The following KCNH7 variants were observed in gnomAD, a reference collection of about 807,000 sequenced individuals.
The protein encoded by KCNH7 is voltage-gated inwardly rectifying potassium channel KCNH7.
KCNH7 carries 49 observed loss-of-function variants against 120.8 expected under a neutral mutation model. The observed-to-expected ratio is 0.41, with a 90% CI of 0.32 to 0.51. The LOEUF is 0.51. Ranked by LOEUF, KCNH7 falls within the 20% of genes least tolerant of loss-of-function variation. The pLI is 0.38. For synonymous variants in KCNH7, 547 were observed against 516.1 expected (o/e 1.06, Z -0.81); for missense variants, 1,097 against 1,446.6 (o/e 0.76, Z 3.92).
At chr2:162,469,695 C>T (rs1689431449) in intron 6 of KCNH7, among the ~76,000 whole-genome samples, 1 of 151,358 alleles carries the variant, frequency 6.6e-6, no homozygotes, top group Non-Finnish European at 1.5e-5. Flanking sequence ...CTCCCCCTCT[C>T]CCTCTCCCTC....
intron 2 of KCNH7, among the ~76,000 whole-genome samples, chr2:162,701,446 T>G (rs960393045): frequency 8.5e-5 from 13 of 152,166 alleles, no homozygotes; most frequent in African/African-American, 2.9e-4. Context: ...TTATCTCAGT[T>G]CAAATCCATT....
At chr2:162,823,244 A>AG (rs66491024) in intron 2 of KCNH7, among the ~76,000 whole-genome samples, 3,934 of 145,474 alleles carry the variant, frequency 0.027, 164 homozygotes, top group African/African-American at 0.098. Flanking sequence ...AATTGAAAAA[A>AG]AAAGATTTTA....
chr2:162,772,821 A>G (rs1037794172), intron 2 of KCNH7, among the ~76,000 whole-genome samples: 1 of 152,242 alleles, frequency 6.6e-6, no homozygotes, highest in African/African-American at 2.4e-5. Context: ...CAATGTGAAT[A>G]TGATATCATC....
At position 162,836,601 on chromosome 2, in the gene KCNH7, T is replaced by G. The variant is rs1436680900; in HGVS notation, c.243A>C (p.Gln81His). 1 of 1,614,134 alleles carries G rather than the reference T, an allele frequency of 6.2e-7. No homozygotes were observed. Among genetic ancestry groups the G allele is most frequent in the East Asian group, 2.2e-5 (1 of 44,872 alleles). Reference sequence around the variant, plus strand: ...CTGACCCCAGCAATGCCTGGGCAATTTGGGCAATATCATGCCTCTTGGTCT... The same window carrying G: ...CTGACCCCAGCAATGCCTGGGCAATGTGGGCAATATCATGCCTCTTGGTCT... ...GPETKRHDIA[Q>H]IAQALLGSEE... The change falls in exon 2 of 16, where the codon CAA (glutamine) becomes CAC (histidine). Residue 81 changes from glutamine (Q) to histidine (H), a missense_variant. Coordinates refer to ENST00000332142, the MANE Select transcript of KCNH7 (RefSeq NM_033272.4).
chr2:162,562,129 C>T lies in KCNH7; in HGVS notation c.308-25049G>A, dbSNP rs544600100. ...AATGAAGATGACGGGTTGATGGGTG[C>T]AGCAAACCACCATGGCACATGTATA... On this transcript the variant is annotated intron_variant, in intron 2 of 15. Coordinates refer to ENST00000332142, the MANE Select transcript of KCNH7 (RefSeq NM_033272.4). Among the ~76,000 whole-genome samples, 11 of 152,200 alleles carry T rather than the reference C, an allele frequency of 7.2e-5. 1 individual carries two copies. Among genetic ancestry groups the T allele is most frequent in the African/African-American group, 2.6e-4 (11 of 41,552 alleles).
intron 2 of KCNH7, among the ~76,000 whole-genome samples, chr2:162,546,731 A>G (rs1348546987): frequency 6.6e-6 from 1 of 152,172 alleles, no homozygotes; most frequent in Non-Finnish European, 1.5e-5. Flanking sequence ...GCTTAGAATG[A>G]ATAAAATAAA....
intron 3 of KCNH7, among the ~76,000 whole-genome samples, chr2:162,522,089 C>A (rs536475972): frequency 6.6e-6 from 1 of 151,888 alleles, no homozygotes; most frequent in Non-Finnish European, 1.5e-5. Flanking sequence ...ATCGTGACAA[C>A]TGTTTTGCAA....
At chr2:162,823,019 T>C (rs947779225) in intron 2 of KCNH7, among the ~76,000 whole-genome samples, 4 of 152,176 alleles carry the variant, frequency 2.6e-5, no homozygotes, top group Non-Finnish European at 5.9e-5. Flanking sequence ...ACTCCACATA[T>C]GTGTGTAGTG....
rs201668840 is a variant in KCNH7, at chr2:162,480,113, G to A, written c.1128+24330C>T. Among the ~76,000 whole-genome samples the A allele has an allele frequency of 5.9e-5, 9 of 152,154 alleles. 1 individual carries two copies. The East Asian group carries it at 1.7e-3, about 29-fold the overall frequency. On this transcript the variant is annotated intron_variant, in intron 6 of 15. Transcript: ENST00000332142. ...AGCATTAGATTATGCTATAAAAAAT[G>A]GAGTTCAGGTTACTTACTTTAAGAA...
chr2:162,803,425 A>G (rs1684418182), intron 2 of KCNH7, among the ~76,000 whole-genome samples: 1 of 151,752 alleles, frequency 6.6e-6, no homozygotes, highest in East Asian at 1.9e-4. Flanking sequence ...ATAACATTGG[A>G]TTTAACTCTC....
At chr2:162,700,500 G>C (rs1202280048) in intron 2 of KCNH7, among the ~76,000 whole-genome samples, 1 of 152,108 alleles carries the variant, frequency 6.6e-6, no homozygotes, top group Admixed American at 6.6e-5. Context: ...GGAAAGGAAA[G>C]GGGGCTGACT....
At chr2:162,638,504 C>A (rs773904697) in intron 2 of KCNH7, among the ~76,000 whole-genome samples, 4 of 150,972 alleles carry the variant, frequency 2.6e-5, no homozygotes, top group African/African-American at 9.9e-5. Context: ...TACTGATAAA[C>A]AACATGTCAC....
chr2:162,390,102 C>A (rs975936137), intron 12 of KCNH7, among the ~76,000 whole-genome samples: 12 of 151,964 alleles, frequency 7.9e-5, no homozygotes, highest in African/African-American at 2.4e-4. Context: ...AAAAGGTCAT[C>A]CCCTAATTAG....
intron 8 of KCNH7, among the ~76,000 whole-genome samples, chr2:162,425,507 G>T (rs1687829629): frequency 1.3e-5 from 2 of 152,168 alleles, no homozygotes; most frequent in African/African-American, 4.8e-5. Flanking sequence ...AACAATATTT[G>T]CCAGAAATTG....
chr2:162,713,056 C>T (rs768091965), intron 2 of KCNH7, among the ~76,000 whole-genome samples: 2 of 152,110 alleles, frequency 1.3e-5, no homozygotes, highest in East Asian at 1.9e-4. Flanking sequence ...TCCCAAGTAG[C>T]TGAGATTACA....
rs1688567046 is a variant in KCNH7, at chr2:162,446,102, T to G, written c.1470A>C (p.Ile490=). The change falls in exon 7 of 16, where the codon ATA becomes ATC. Residue 490 remains isoleucine, a synonymous_variant. Transcript: ENST00000332142. ...EVVSDPAKIA[I]HYFKGWFLID... is the part of the protein sequence containing the mutation. ...TCAGGAACCAGCCTTTGAAGTAGTG[T>G]ATTGCTATTTTGGCGGGATCACTTA... is the stretch of plus-strand genomic sequence containing the variant. The G allele has an allele frequency of 6.2e-7, 1 of 1,613,920 alleles. No homozygotes were observed. The highest frequency in any genetic ancestry group is 1.1e-5 in the South Asian group (1 of 91,068).
intron 6 of KCNH7, among the ~76,000 whole-genome samples, chr2:162,452,070 G>A (rs1409381970): frequency 6.6e-6 from 1 of 152,010 alleles, no homozygotes; most frequent in Non-Finnish European, 1.5e-5. Context: ...TTTAAAAATA[G>A]TCTTTACCTT....
At chr2:162,807,256 C>CAAAAAAAAAAAAAAAAAAAAA (rs745345993) in intron 2 of KCNH7, among the ~76,000 whole-genome samples, 2 of 15,628 alleles carry the variant, frequency 1.3e-4, no homozygotes, top group Non-Finnish European at 3.4e-4. Context: ...ACTAAAAATA[C>CAAAAAAAAAAAAAAAAAAAAA]AAAAAAAAAA....
intron 2 of KCNH7, among the ~76,000 whole-genome samples, chr2:162,775,261 T>C (rs1410045527): frequency 6.6e-6 from 1 of 152,210 alleles, no homozygotes; most frequent in African/African-American, 2.4e-5. Flanking sequence ...TAGTTTTAAT[T>C]TGAACTATAT....
Sources: gnomAD v4.1 joint callset for allele counts (sites outside exome capture counted in the v4.1 genomes callset) on GRCh38, gnomAD v4.1.1 for gene constraint, MANE v1.5 for transcripts, NCBI Gene and HGNC (gene_info 2026-07-23, HGNC 2026-07-21) for gene names.